The following MED13L variants were observed in gnomAD, a reference collection of about 807,000 sequenced individuals.
MED13L encodes the protein mediator complex subunit 13L, also known as mediator of RNA polymerase II transcription subunit 13-like.
In MED13L, 7 loss-of-function variants were observed where a neutral mutation model predicts 220.9. The ratio of observed to expected loss-of-function variants is 0.03; its 90% confidence interval spans 0.02 to 0.06. The LOEUF (loss-of-function observed/expected upper bound fraction) is 0.06, where lower values mean the gene tolerates loss of function less well. Ranked by LOEUF, MED13L falls within the 10% of genes least tolerant of loss-of-function variation. MED13L has a pLI of 1.00. For synonymous variants in MED13L, 1,011 were observed against 1,015.2 expected (o/e 1.00, Z 0.08); for missense variants, 1,965 against 2,760.5 (o/e 0.71, Z 6.46).
chr12:116,031,100 G>A (rs2137489292), intron 4 of MED13L, among the ~76,000 whole-genome samples: 1 of 152,194 alleles, frequency 6.6e-6, no homozygotes, highest in South Asian at 2.1e-4. Flanking sequence ...AAAACTCTTA[G>A]GGAACTCTAG....
intron 1 of MED13L, chr12:116,276,840 G>C: frequency 9.5e-7 from 1 of 1,050,342 alleles, no homozygotes; most frequent in Non-Finnish European, 1.3e-6. Context: ...CGAGCGCCGC[G>C]CTCACAAATG....
At chr12:116,148,074 A>AAAAAAAAGGGG (rs1377801971) in intron 2 of MED13L, among the ~76,000 whole-genome samples, 1 of 98,310 alleles carries the variant, frequency 1.0e-5, no homozygotes, top group Non-Finnish European at 2.0e-5. Flanking sequence ...AAAAAAAAAA[A>AAAAAAAAGGGG]GAGGGGGGCG....
chr12:116,010,068 C>T (rs117055204), intron 9 of MED13L, among the ~76,000 whole-genome samples: 25 of 152,210 alleles, frequency 1.6e-4, no homozygotes, highest in Non-Finnish European at 2.9e-4. Flanking sequence ...AGCAGTAAAA[C>T]GGATTTGTGG....
intron 1 of MED13L, among the ~76,000 whole-genome samples, chr12:116,239,861 T>C (rs997679362): frequency 6.6e-6 from 1 of 152,218 alleles, no homozygotes; most frequent in Admixed American, 6.5e-5. Flanking sequence ...GTCCTTGTTC[T>C]GCTAGGAGGA....
chr12:116,164,991 T>C (rs1369773360), intron 2 of MED13L, among the ~76,000 whole-genome samples: 1 of 152,270 alleles, frequency 6.6e-6, no homozygotes, highest in Non-Finnish European at 1.5e-5. Context: ...TGTAAGTTTT[T>C]TGAATCAGCT....
At chr12:116,157,985 G>A (rs1878573980) in intron 2 of MED13L, among the ~76,000 whole-genome samples, 4 of 152,168 alleles carry the variant, frequency 2.6e-5, no homozygotes, top group African/African-American at 2.4e-5. Flanking sequence ...GGTTGCCACA[G>A]CCCGCTGGTA....
chr12:116,053,666 T>C (rs1438799240), intron 4 of MED13L, among the ~76,000 whole-genome samples: 5 of 152,170 alleles, frequency 3.3e-5, no homozygotes, highest in African/African-American at 7.2e-5. Flanking sequence ...GTCACTTGCC[T>C]AAGGTCATAT....
chr12:116,173,994 T>C (rs1007909435), intron 2 of MED13L, among the ~76,000 whole-genome samples: 2 of 152,120 alleles, frequency 1.3e-5, no homozygotes, highest in Admixed American at 1.3e-4. Flanking sequence ...CTTGGGAGGC[T>C]GAGGCAGGAG....
chr12:116,083,404 GAAAAAAAAAA>G (rs61301423), intron 4 of MED13L, among the ~76,000 whole-genome samples: 6 of 79,376 alleles, frequency 7.6e-5, no homozygotes, highest in Non-Finnish European at 9.5e-5. Context: ...TGTCTCGAGG[GAAAAAAAAAA>G]AAAAAAAAAA....
intron 1 of MED13L, among the ~76,000 whole-genome samples, chr12:116,248,066 G>A (rs959772902): frequency 1.3e-5 from 2 of 152,136 alleles, no homozygotes; most frequent in South Asian, 4.1e-4. Flanking sequence ...GGCTGGTGAG[G>A]AAATCTAAAC....
chr12:116,126,995 A>T (rs1030309605), intron 2 of MED13L, among the ~76,000 whole-genome samples: 19 of 152,164 alleles, frequency 1.2e-4, no homozygotes, highest in African/African-American at 4.6e-4. Flanking sequence ...TAGGTTAAAA[A>T]ATATATATAT....
intron 4 of MED13L, among the ~76,000 whole-genome samples, chr12:116,055,303 A>G (rs757249557): frequency 3.3e-5 from 5 of 152,238 alleles, no homozygotes; most frequent in Admixed American, 6.5e-5. Context: ...TCTTAATTGT[A>G]TATTTCAATA....
At chr12:116,019,130 C>T in intron 7 of MED13L, 94 bp downstream of exon 7, 1 of 1,276,786 alleles carries the variant, frequency 7.8e-7, no homozygotes, top group Non-Finnish European at 1.1e-6. Context: ...TCTCTTCCAA[C>T]AGGAATTTCT....
intron 23 of MED13L, 137 bp downstream of exon 23, chr12:115,980,613 C>CT (rs1877259125): frequency 1.3e-5 from 12 of 941,274 alleles, no homozygotes; most frequent in Non-Finnish European, 2.0e-5. Flanking sequence ...TGTGAGCCAA[C>CT]ACATCCAGCC....
chr12:116,139,253 C>T (rs1003896965), intron 2 of MED13L, among the ~76,000 whole-genome samples: 4 of 152,144 alleles, frequency 2.6e-5, no homozygotes, highest in Non-Finnish European at 4.4e-5. Flanking sequence ...ATACAGTGTC[C>T]TATATGTCAC....
chr12:116,112,979 T>C (rs1229944398), intron 2 of MED13L, among the ~76,000 whole-genome samples: 2 of 152,234 alleles, frequency 1.3e-5, no homozygotes, highest in Admixed American at 6.5e-5. Flanking sequence ...TGACAAACTA[T>C]AACATCATTC....
intron 4 of MED13L, among the ~76,000 whole-genome samples, chr12:116,079,991 A>G (rs1038900086): frequency 1.3e-5 from 2 of 152,022 alleles, no homozygotes; most frequent in Admixed American, 6.5e-5. Flanking sequence ...AACCCAACAC[A>G]AATTCATAAA....
At chr12:116,039,936 A>G (rs1210518828) in intron 4 of MED13L, among the ~76,000 whole-genome samples, 1 of 152,142 alleles carries the variant, frequency 6.6e-6, no homozygotes, top group Non-Finnish European at 1.5e-5. Context: ...CAGTAGGGTG[A>G]GTGAGAGCAC....
At chr12:115,978,317 A>AT (rs961542010) in intron 23 of MED13L, among the ~76,000 whole-genome samples, 91 of 146,538 alleles carry the variant, frequency 6.2e-4, no homozygotes, top group African/African-American at 2.0e-3. Flanking sequence ...GAACTGTACA[A>AT]TTTTTTTTCT....
Sources: allele counts gnomAD v4.1 joint callset (sites outside exome capture counted in the v4.1 genomes callset), GRCh38; gene constraint gnomAD v4.1.1; transcripts MANE v1.5; gene names NCBI Gene and HGNC (gene_info 2026-07-23, HGNC 2026-07-21).